Variants in CPNE8 observed in about 807,000 individuals in gnomAD.
CPNE8 encodes copine 8, also known as copine-8.
In CPNE8, 45 loss-of-function variants were observed where a neutral mutation model predicts 81.5. The observed-to-expected ratio is 0.55, with a 90% CI of 0.44 to 0.71. The LOEUF is 0.71. CPNE8 is among the 30% of genes least tolerant of loss of function. CPNE8 has a pLI of 0.00. For synonymous variants in CPNE8, 252 were observed against 226.3 expected (o/e 1.11, Z -1.02); for missense variants, 594 against 672.1 (o/e 0.88, Z 1.28).
chr12:38,709,391 G>A (rs775684522), intron 13 of CPNE8, among the ~76,000 whole-genome samples: 1 of 152,234 alleles, frequency 6.6e-6, no homozygotes, highest in Non-Finnish European at 1.5e-5. Context: ...GAACTACTCA[G>A]TGAATTAACC....
At chr12:38,664,487 G>A (rs1939024304) in intron 19 of CPNE8, among the ~76,000 whole-genome samples, 1 of 151,852 alleles carries the variant, frequency 6.6e-6, no homozygotes, top group African/African-American at 2.4e-5. Flanking sequence ...TTAAATATAA[G>A]GAAGATTATT....
At chr12:38,782,260 C>T (rs1184286630) in intron 6 of CPNE8, among the ~76,000 whole-genome samples, 1 of 150,344 alleles carries the variant, frequency 6.7e-6, no homozygotes, top group African/African-American at 2.5e-5. Flanking sequence ...AAGACAAAGG[C>T]TAAGAAACGA....
At chr12:38,665,470 C>T (rs1442603025) in intron 19 of CPNE8, among the ~76,000 whole-genome samples, 1 of 151,862 alleles carries the variant, frequency 6.6e-6, no homozygotes, top group Non-Finnish European at 1.5e-5. Flanking sequence ...TTCCACATGA[C>T]TGCTCTAGCT....
At chr12:38,710,524 G>A (rs1163343632) in intron 13 of CPNE8, among the ~76,000 whole-genome samples, 1 of 152,064 alleles carries the variant, frequency 6.6e-6, no homozygotes, top group Non-Finnish European at 1.5e-5. Context: ...CATTGAAGGA[G>A]ACTTCTAAAT....
intron 6 of CPNE8, among the ~76,000 whole-genome samples, chr12:38,795,543 T>G (rs1430942429): frequency 6.6e-6 from 1 of 152,178 alleles, no homozygotes; most frequent in Non-Finnish European, 1.5e-5. Flanking sequence ...TTACGCAGTC[T>G]TTAAAAAGGC....
chr12:38,899,779 T>A (rs1319574423), intron 1 of CPNE8, among the ~76,000 whole-genome samples: 1 of 152,108 alleles, frequency 6.6e-6, no homozygotes, highest in African/African-American at 2.4e-5. Flanking sequence ...ATTTCTTAAA[T>A]ACAGATGACA....
intron 4 of CPNE8, among the ~76,000 whole-genome samples, chr12:38,845,471 A>C (rs893803563): frequency 4.6e-5 from 7 of 152,086 alleles, no homozygotes; most frequent in Non-Finnish European, 4.4e-5. Context: ...TGGGTAGTAG[A>C]GGTTGGGACT....
At chr12:38,817,069 C>T (rs769740007) in intron 6 of CPNE8, among the ~76,000 whole-genome samples, 5 of 152,194 alleles carry the variant, frequency 3.3e-5, no homozygotes, top group Admixed American at 2.6e-4. Flanking sequence ...CTCTCCCCTT[C>T]CCTTTCTCCA....
intron 7 of CPNE8, 77 bp downstream of exon 7, chr12:38,776,157 AAATT>A (rs1941930723): frequency 6.2e-6 from 4 of 643,328 alleles, no homozygotes; most frequent in Non-Finnish European, 1.0e-5. Context: ...AATTACTTAA[AAATT>A]AATTAGTTAA....
At chr12:38,792,129 AAAAG>A (rs1398607725) in intron 6 of CPNE8, among the ~76,000 whole-genome samples, 1 of 151,452 alleles carries the variant, frequency 6.6e-6, no homozygotes, top group Non-Finnish European at 1.5e-5. Context: ...TATATTTACA[AAAAG>A]AAAGATCTCA....
intron 19 of CPNE8, among the ~76,000 whole-genome samples, chr12:38,657,541 G>A (rs561910961): frequency 1.3e-5 from 2 of 152,306 alleles, no homozygotes; most frequent in South Asian, 4.1e-4. Context: ...CCAGCACGGC[G>A]TTTGAGCTCT....
In CPNE8 at chr12:38,865,049, T is replaced by C. The variant is rs185633800; in HGVS notation, c.186+7955A>G. On this transcript the variant is annotated intron_variant, in intron 3 of 19. Transcript: ENST00000331366. ...CACTTCTTAAAAGAGAATAGCCAAA[T>C]GGTCATTAAGCCTACCTAAGGGTTC... 2.8e-3 allele frequency among the ~76,000 whole-genome samples: 421 copies of C among 152,270 alleles called. 1 individual carries two copies. Among genetic ancestry groups the C allele is most frequent in the African/African-American group, 9.7e-3 (402 of 41,568 alleles).
Position 38,895,370 on chromosome 12 carries a change from T to C in CPNE8, c.98+10067A>G, listed in dbSNP as rs1230911843. Reference sequence around the variant, plus strand: ...GCCTGAGGTCAATTCTCAATTCCACTGGTAAATTTGAATGTCACATAGTCA... The same window carrying C: ...GCCTGAGGTCAATTCTCAATTCCACCGGTAAATTTGAATGTCACATAGTCA... On this transcript the variant is annotated intron_variant, in intron 1 of 19. Coordinates refer to ENST00000331366, the MANE Select transcript of CPNE8 (RefSeq NM_153634.3). Among the ~76,000 whole-genome samples, 3 of 152,092 alleles carry C rather than the reference T, an allele frequency of 2.0e-5. No individual in the cohort carries two copies. In the East Asian group the frequency reaches 5.8e-4, roughly 29 times the overall value.
At chr12:38,895,150 C>T (rs1944372835) in intron 1 of CPNE8, among the ~76,000 whole-genome samples, 1 of 152,028 alleles carries the variant, frequency 6.6e-6, no homozygotes, top group Non-Finnish European at 1.5e-5. Flanking sequence ...TTGACTTTTA[C>T]AAACTCATGC....
intron 16 of CPNE8, among the ~76,000 whole-genome samples, chr12:38,681,451 A>G (rs908588929): frequency 3.3e-5 from 5 of 152,178 alleles, no homozygotes; most frequent in African/African-American, 1.2e-4. Flanking sequence ...ATTTCTCAGA[A>G]TTTAAATTTG....
At chr12:38,717,460 CACCA>C (rs1565581530) in intron 13 of CPNE8, among the ~76,000 whole-genome samples, 6 of 43,160 alleles carry the variant, frequency 1.4e-4, no homozygotes, top group African/African-American at 3.8e-4. Flanking sequence ...TATATATATA[CACCA>C]TGGAATACTA....
At chr12:38,842,237 T>A (rs947747574) in intron 4 of CPNE8, among the ~76,000 whole-genome samples, 4 of 152,016 alleles carry the variant, frequency 2.6e-5, no homozygotes, top group Non-Finnish European at 5.9e-5. Context: ...TATAAGAAAA[T>A]TTTTTTAAAG....
chr12:38,744,572 T>C (rs913474967), intron 10 of CPNE8, among the ~76,000 whole-genome samples: 6 of 152,180 alleles, frequency 3.9e-5, no homozygotes, highest in South Asian at 2.1e-4. Context: ...AACCCATAGA[T>C]GTCATCTCTT....
chr12:38,735,695 C>A (rs74394865), intron 10 of CPNE8, among the ~76,000 whole-genome samples: 4,780 of 151,956 alleles, frequency 0.031, 223 homozygotes, highest in East Asian at 0.14. Flanking sequence ...TCCTGATAAT[C>A]TAGTTTCTTA....
Sources: allele counts gnomAD v4.1 joint callset (sites outside exome capture counted in the v4.1 genomes callset), GRCh38; gene constraint gnomAD v4.1.1; transcripts MANE v1.5; gene names NCBI Gene and HGNC (gene_info 2026-07-23, HGNC 2026-07-21).